The following MARCHF1 variants were observed in gnomAD, a reference collection of about 807,000 sequenced individuals.
The protein encoded by MARCHF1 is membrane associated ring-CH-type finger 1.
MARCHF1 carries 40 observed loss-of-function variants against 54.2 expected under a neutral mutation model. That is an observed-to-expected ratio of 0.74 (90% CI 0.57 to 0.96). The LOEUF is 0.96. MARCHF1 is among the 40% of genes least tolerant of loss of function. The probability of loss-of-function intolerance (pLI) is 0.00; values close to 1 mark genes in which losing one functional copy is unlikely to be tolerated. For synonymous variants in MARCHF1, 236 were observed against 236.3 expected, an observed-to-expected ratio of 1.00 and a Z score of 0.01; for missense variants, 586 against 656.5, an observed-to-expected ratio of 0.89 and a Z score of 1.17.
At chr4:163,775,594 T>C (rs1334322341) in intron 4 of MARCHF1, among the ~76,000 whole-genome samples, 2 of 152,146 alleles carry the variant, frequency 1.3e-5, no homozygotes, top group African/African-American at 4.8e-5. Flanking sequence ...TATTGACAAA[T>C]TCCTAAGTCA....
intron 1 of MARCHF1, among the ~76,000 whole-genome samples, chr4:164,330,980 T>G (rs1308028689): frequency 1.3e-5 from 2 of 152,186 alleles, no homozygotes; most frequent in African/African-American, 4.8e-5. Context: ...ATTCCTGAAT[T>G]AAAGCTTTAC....
rs897231471 is a variant in MARCHF1 at position 163,988,656 on chromosome 4, C to T, written c.-194G>A. The T allele has an allele frequency of 6.6e-6, 1 of 152,186 alleles. No homozygotes were observed. The highest frequency in any genetic ancestry group is 1.5e-5 in the Non-Finnish European group (1 of 68,068). 9.4% of individuals were successfully genotyped at this position (152,186 alleles called of 1,614,324 possible). A position where few individuals can be genotyped will look rare whatever the true frequency, so the allele number is the denominator to read the frequency against. The stretch of plus-strand genomic sequence containing the variant: ...TTGGATGCCTTATCTCTTCACTCGC[C>T]CTGAGTAGCCCACCTGCACAATTGT... On this transcript the variant is annotated 5_prime_UTR_variant, in exon 3 of 10. Transcript: ENST00000514618.
At chr4:163,870,072 G>A (rs556172619) in intron 3 of MARCHF1, among the ~76,000 whole-genome samples, 6 of 152,166 alleles carry the variant, frequency 3.9e-5, no homozygotes, top group African/African-American at 7.2e-5. Context: ...ATTTAATTAC[G>A]AAGTCAAAAC....
chr4:163,905,627 G>T (rs1312477970), intron 3 of MARCHF1, among the ~76,000 whole-genome samples: 2 of 152,062 alleles, frequency 1.3e-5, no homozygotes, highest in African/African-American at 4.8e-5. Flanking sequence ...CGAAGATATT[G>T]CTCTGGAGGT....
chr4:164,310,519 A>G (rs1449499550), intron 1 of MARCHF1, among the ~76,000 whole-genome samples: 1 of 144,384 alleles, frequency 6.9e-6, no homozygotes, highest in African/African-American at 2.6e-5. Context: ...CTAGGAGAAA[A>G]AAATCATTTT....
intron 1 of MARCHF1, among the ~76,000 whole-genome samples, chr4:164,148,990 T>C (rs1579575225): frequency 6.6e-6 from 1 of 152,096 alleles, no homozygotes; most frequent in Admixed American, 6.6e-5. Flanking sequence ...ATGGCAGGTG[T>C]TTGGGTCATG....
At chr4:163,537,074 T>C (rs1738560759) in intron 9 of MARCHF1, among the ~76,000 whole-genome samples, 1 of 152,182 alleles carries the variant, frequency 6.6e-6, no homozygotes, top group South Asian at 2.1e-4. Context: ...CCAGCTCTTT[T>C]TCTTGCCTTC....
chr4:163,823,702 A>T (rs927686281), intron 4 of MARCHF1, among the ~76,000 whole-genome samples: 4 of 151,878 alleles, frequency 2.6e-5, no homozygotes, highest in African/African-American at 9.7e-5. Context: ...TAAAGCATAA[A>T]CATTTACAAA....
intron 2 of MARCHF1, among the ~76,000 whole-genome samples, chr4:164,004,197 G>A (rs894110626): frequency 6.6e-6 from 1 of 151,406 alleles, no homozygotes; most frequent in African/African-American, 2.4e-5. Context: ...TAAAAATCTG[G>A]GTGATGGGTT....
At chr4:163,558,862 T>A (rs1464070451) in intron 8 of MARCHF1, among the ~76,000 whole-genome samples, 1 of 152,204 alleles carries the variant, frequency 6.6e-6, no homozygotes, top group Non-Finnish European at 1.5e-5. Context: ...TGGGTCTTAT[T>A]AAATATGACT....
chr4:164,084,873 C>T (rs1281021151), intron 2 of MARCHF1, among the ~76,000 whole-genome samples: 2 of 151,488 alleles, frequency 1.3e-5, no homozygotes, highest in Non-Finnish European at 3.0e-5. Flanking sequence ...ATACATAAAA[C>T]AAAACAGTGT....
intron 4 of MARCHF1, among the ~76,000 whole-genome samples, chr4:163,806,899 A>G (rs938322112): frequency 1.3e-5 from 2 of 152,212 alleles, no homozygotes; most frequent in Non-Finnish European, 2.9e-5. Flanking sequence ...CTAGACAGAT[A>G]AATGTGAAAA....
At chr4:164,250,971 T>C (rs28458840) in intron 1 of MARCHF1, among the ~76,000 whole-genome samples, 45,374 of 151,982 alleles carry the variant, frequency 0.3, 7,849 homozygotes, top group Admixed American at 0.45. Context: ...GGTCAGGCAG[T>C]ATTGAAAATA....
At chr4:164,366,815 C>T (rs747208538) in intron 1 of MARCHF1, among the ~76,000 whole-genome samples, 1 of 151,800 alleles carries the variant, frequency 6.6e-6, no homozygotes, top group African/African-American at 2.4e-5. Flanking sequence ...GTACCTGTCA[C>T]CTACATTTAC....
At chr4:163,691,376 C>T (rs1050845327) in intron 5 of MARCHF1, among the ~76,000 whole-genome samples, 2 of 152,216 alleles carry the variant, frequency 1.3e-5, no homozygotes, top group Non-Finnish European at 2.9e-5. Flanking sequence ...TGAGAAAATT[C>T]TGCCACATAA....
intron 1 of MARCHF1, among the ~76,000 whole-genome samples, chr4:164,349,176 A>G (rs1360717566): frequency 6.6e-6 from 1 of 152,194 alleles, no homozygotes; most frequent in Non-Finnish European, 1.5e-5. Context: ...GCCCTGACTC[A>G]TAAGTTCATG....
intron 8 of MARCHF1, among the ~76,000 whole-genome samples, chr4:163,548,825 A>G (rs1343827123): frequency 6.6e-6 from 1 of 152,230 alleles, no homozygotes; most frequent in Admixed American, 6.5e-5. Flanking sequence ...ACTAAGAATG[A>G]GAAATGGAGA....
chr4:164,363,348 C>A (rs1315540490), intron 1 of MARCHF1, among the ~76,000 whole-genome samples: 1 of 152,136 alleles, frequency 6.6e-6, no homozygotes, highest in Non-Finnish European at 1.5e-5. Flanking sequence ...TGAGATAACT[C>A]TTTCTCCTAA....
chr4:164,125,318 A>G (rs1756156307), intron 1 of MARCHF1, among the ~76,000 whole-genome samples: 2 of 152,144 alleles, frequency 1.3e-5, no homozygotes, highest in African/African-American at 4.8e-5. Flanking sequence ...ATAGGACTCA[A>G]TGAATAAATA....
Sources: allele counts gnomAD v4.1 joint callset (sites outside exome capture counted in the v4.1 genomes callset), GRCh38; gene constraint gnomAD v4.1.1; transcripts MANE v1.5; gene names NCBI Gene and HGNC (gene_info 2026-07-23, HGNC 2026-07-21).